LRRC27: variants seen among roughly 807,000 people sequenced by gnomAD.
LRRC27 encodes leucine rich repeat containing 27.
LRRC27 carries 57 observed loss-of-function variants against 55.0 expected under a neutral mutation model. The ratio of observed to expected loss-of-function variants is 1.04; its 90% confidence interval spans 0.84 to 1.29. The LOEUF (loss-of-function observed/expected upper bound fraction) is 1.29, where lower values mean the gene tolerates loss of function less well. Among genes scored for constraint, LRRC27 ranks in the 50% most tolerant of loss-of-function variants. The pLI is 0.00. For missense variants in LRRC27, 721 were observed against 651.5 expected (o/e 1.11, Z -1.16); for synonymous variants, 278 against 251.9 (o/e 1.10, Z -0.98).
upstream of LRRC27, chr10:132,331,607 C>T: frequency 1.2e-6 from 2 of 1,612,894 alleles, no homozygotes; most frequent in Non-Finnish European, 1.7e-6. Flanking sequence ...GGGAGTGAGC[C>T]CAGCGGGAAG....
intron 5 of LRRC27, among the ~76,000 whole-genome samples, chr10:132,347,575 G>A (rs998395265): frequency 4.7e-5 from 7 of 150,264 alleles, no homozygotes; most frequent in East Asian, 2.0e-4. Context: ...AGGTGTGCTC[G>A]GTGGGGCCTG....
At chr10:132,365,254 C>T (rs998504073) in intron 9 of LRRC27, among the ~76,000 whole-genome samples, 170 bp from the exon 10 acceptor site, 5 of 152,274 alleles carry the variant, frequency 3.3e-5, no homozygotes, top group Admixed American at 1.3e-4. Context: ...GAGTGGGTGC[C>T]GGGGAGGCCC....
intron 5 of LRRC27, 52 bp from the exon 6 acceptor site, chr10:132,347,932 A>G: frequency 6.5e-7 from 1 of 1,533,848 alleles, no homozygotes; most frequent in Non-Finnish European, 8.7e-7. Flanking sequence ...TGAATAAGTC[A>G]CAGAGGGATG....
intron 5 of LRRC27, 146 bp downstream of exon 5, chr10:132,344,796 GA>G: frequency 1.3e-6 from 1 of 754,412 alleles, no homozygotes; most frequent in Non-Finnish European, 2.0e-6. Context: ...AGTGTACACT[GA>G]TCTCAGGCCG....
upstream of LRRC27, among the ~76,000 whole-genome samples, chr10:132,330,710 G>A (rs928389832): frequency 6.9e-6 from 1 of 143,990 alleles, no homozygotes; most frequent in Non-Finnish European, 1.5e-5. Flanking sequence ...TGTAGAGACT[G>A]GGTTGCCCAG....
intron 10 of LRRC27, among the ~76,000 whole-genome samples, chr10:132,369,635 A>G (rs1399592132): frequency 6.6e-6 from 1 of 152,146 alleles, no homozygotes; most frequent in Non-Finnish European, 1.5e-5. Context: ...GATCCATGTG[A>G]TGATGCGTTT....
At chr10:132,359,183 C>T (rs1034026679) in intron 8 of LRRC27, among the ~76,000 whole-genome samples, 5 of 151,372 alleles carry the variant, frequency 3.3e-5, no homozygotes, top group South Asian at 4.2e-4. Flanking sequence ...GGTGGTGGAG[C>T]GTGGGATAGA....
intron 8 of LRRC27, among the ~76,000 whole-genome samples, chr10:132,358,869 G>A (rs868209141): frequency 8.6e-4 from 1 of 1,162 alleles, no homozygotes; most frequent in Non-Finnish European, 2.0e-3. Flanking sequence ...CCGAGGTGGT[G>A]GAGCAGTGTG....
At chr10:132,357,681 G>C (rs1416092543) in intron 8 of LRRC27, among the ~76,000 whole-genome samples, 1 of 152,232 alleles carries the variant, frequency 6.6e-6, no homozygotes, top group South Asian at 2.1e-4. Context: ...TGCTGCCACA[G>C]TTGTGCTTCT....
Position 132,365,489 on chromosome 10 carries a change from G to A in LRRC27, c.1355G>A (p.Arg452Lys), listed in dbSNP as rs1449383558. Residue 452 changes from arginine to lysine, a missense_variant, in exon 10 of 11, where the codon AGA (arginine) becomes AAA (lysine). Coordinates refer to ENST00000368614, the MANE Select transcript of LRRC27 (RefSeq NM_030626.3). ...CACGTCCTCCAAATGCGTGAGCAAA[G>A]AAGATTCCATGGCCAGGCCCCACTG... ...KQHVLQMREQ[R>K]RFHGQAPLEE... The A allele has an allele frequency of 2.5e-6, 4 of 1,613,720 alleles. No individual in the cohort carries two copies. Among genetic ancestry groups the A allele is most frequent in the Non-Finnish European group, 3.4e-6 (4 of 1,179,998 alleles).
At chr10:132,345,008 T>C (rs1031915056) in intron 5 of LRRC27, 8 of 182,570 alleles carry the variant, frequency 4.4e-5, no homozygotes, top group South Asian at 2.8e-4. Flanking sequence ...CAATGAAATA[T>C]TCCTTATTCC....
At position 132,344,562 on chromosome 10, in the gene LRRC27, C is replaced by G; in HGVS notation, c.465C>G (p.Leu155=). Reference sequence around the variant, plus strand: ...GCCCTCTGGAATTCCCTCCTCAGCTCGTTGTGCAGAAGGGATTGGTGGCTA... The same window carrying G: ...GCCCTCTGGAATTCCCTCCTCAGCTGGTTGTGCAGAAGGGATTGGTGGCTA... ...RHCPLEFPPQ[L]VVQKGLVAIQ... is the part of the protein sequence containing the mutation. The change falls in exon 5 of 11, where the codon CTC becomes CTG. Residue 155 remains leucine (L), a synonymous_variant. Coordinates refer to ENST00000368614, the MANE Select transcript of LRRC27 (RefSeq NM_030626.3). 6.2e-7 allele frequency: 1 copy of G among 1,614,122 alleles called. No individual in the cohort carries two copies. Among genetic ancestry groups the G allele is most frequent in the Middle Eastern group, 1.6e-4 (1 of 6,062 alleles).
In LRRC27 at chr10:132,362,676, TCGGGGGGC is replaced by T. The variant is rs1564850817; in HGVS notation, c.1289+1103_1289+1110del. 8.8e-4 allele frequency among the ~76,000 whole-genome samples: 94 copies of T among 107,304 alleles called. 3 individuals are homozygous for T. The highest frequency in any genetic ancestry group is 3.5e-3 in the African/African-American group (86 of 24,434). The allele number at this position is 107,304 out of a possible 152,430, so 70.4% of individuals were successfully genotyped here. ...CTCACCCTTCTCACCTCACACCAGC[TCGGGGGGC>T]CAGGGTTCATGAACCCTCTCACCTC... On this transcript the variant is annotated intron_variant, in intron 9 of 10. Transcript: ENST00000368614.
chr10:132,341,630 G>C (rs942548696), intron 3 of LRRC27, among the ~76,000 whole-genome samples: 4 of 152,138 alleles, frequency 2.6e-5, no homozygotes, highest in Non-Finnish European at 4.4e-5. Context: ...AGTTTCTTAC[G>C]TAGAGGCTTC....
chr10:132,363,700 A>G (rs2068757217), intron 9 of LRRC27, among the ~76,000 whole-genome samples: 1 of 152,144 alleles, frequency 6.6e-6, no homozygotes, highest in Non-Finnish European at 1.5e-5. Flanking sequence ...TGAGCTTGGA[A>G]GGCCCAGGGC....
At position 132,380,673 on chromosome 10, in the gene LRRC27, A is replaced by G. The variant is rs1028378541; in HGVS notation, c.*5431A>G. ...GACCCCAACTTGAAAAAAAGGGGACATCGGGATGTTCTTGTGTATTTTTCA... is the reference window on the plus strand; with the variant it reads ...GACCCCAACTTGAAAAAAAGGGGACGTCGGGATGTTCTTGTGTATTTTTCA... On this transcript the variant is annotated 3_prime_UTR_variant, in exon 11 of 11. Coordinates refer to ENST00000368614, the MANE Select transcript of LRRC27 (RefSeq NM_030626.3). Among the ~76,000 whole-genome samples, 4 of 152,332 alleles carry G rather than the reference A, an allele frequency of 2.6e-5. No homozygotes were observed. The highest frequency in any genetic ancestry group is 5.9e-5 in the Non-Finnish European group (4 of 68,026).
chr10:132,366,896 A>T, intron 10 of LRRC27: 1 of 1,285,978 alleles, frequency 7.8e-7, no homozygotes, highest in Non-Finnish European at 1.0e-6. Flanking sequence ...GAGCCACTTC[A>T]TGGAGACCCC....
chr10:132,336,743 G>A (rs1174930981), intron 2 of LRRC27: 1 of 766,148 alleles, frequency 1.3e-6, no homozygotes, highest in East Asian at 2.4e-5. Context: ...GTGGATCCAG[G>A]CAGTCTGGCT....
rs905369897 is a variant in LRRC27, at chr10:132,380,466, C to T, written c.*5224C>T. Among the ~76,000 whole-genome samples the T allele has an allele frequency of 1.3e-5, 2 of 152,154 alleles. No homozygotes were observed. Among genetic ancestry groups the T allele is most frequent in the African/African-American group, 4.8e-5 (2 of 41,440 alleles). On this transcript the variant is annotated 3_prime_UTR_variant, in exon 11 of 11. Coordinates refer to ENST00000368614, the MANE Select transcript of LRRC27 (RefSeq NM_030626.3). Reference sequence around the variant, plus strand: ...GGTGCTAATCTCTGCACGAGCGGTTCATGTCTTCAGTACATTGTGTATCAC... The same window carrying T: ...GGTGCTAATCTCTGCACGAGCGGTTTATGTCTTCAGTACATTGTGTATCAC...
Sources: allele counts gnomAD v4.1 joint callset (sites outside exome capture counted in the v4.1 genomes callset), GRCh38; gene constraint gnomAD v4.1.1; transcripts MANE v1.5; gene names NCBI Gene and HGNC (gene_info 2026-07-23, HGNC 2026-07-21).